The following RNGTT variants were observed in gnomAD, a reference collection of about 807,000 sequenced individuals.
RNGTT encodes RNA guanylyltransferase and 5'-phosphatase, also known as mRNA-capping enzyme.
RNGTT carries 33 observed loss-of-function variants against 79.3 expected under a neutral mutation model. The ratio of observed to expected loss-of-function variants is 0.42; its 90% CI spans 0.32 to 0.56. The LOEUF (loss-of-function observed/expected upper bound fraction) is 0.56, where lower values mean the gene tolerates loss of function less well. Ranked by LOEUF, RNGTT falls within the 20% of genes least tolerant of loss-of-function variation. The pLI, the probability that RNGTT is intolerant of heterozygous loss-of-function variation, is 0.17. For synonymous variants in RNGTT, 222 were observed against 235.9 expected, an observed-to-expected ratio of 0.94 and a Z score of 0.54; for missense variants, 497 against 739.1, an observed-to-expected ratio of 0.67 and a Z score of 3.80.
At chr6:88,889,622 T>G (rs1433578585) in intron 8 of RNGTT, among the ~76,000 whole-genome samples, 1 of 152,202 alleles carries the variant, frequency 6.6e-6, no homozygotes, top group Middle Eastern at 3.2e-3. Flanking sequence ...TATGTTAATA[T>G]CTGTTAAAAT....
At chr6:88,804,971 A>G (rs187343066) in intron 11 of RNGTT, among the ~76,000 whole-genome samples, 1 of 152,372 alleles carries the variant, frequency 6.6e-6, no homozygotes, top group Non-Finnish European at 1.5e-5. Context: ...TCATAATCTT[A>G]GAAGTGCTTT....
chr6:88,934,521 TG>T (rs1215513077), intron 2 of RNGTT, among the ~76,000 whole-genome samples: 1 of 152,244 alleles, frequency 6.6e-6, no homozygotes, highest in Non-Finnish European at 1.5e-5. Flanking sequence ...ATTTTTTTCC[TG>T]TTGTTTCCAG....
Position 88,817,178 on chromosome 6 carries a change from C to T in RNGTT, c.1270-15546G>A, listed in dbSNP as rs903043634. On this transcript the variant is annotated intron_variant, in intron 11 of 15. Coordinates refer to ENST00000369485, the MANE Select transcript of RNGTT (RefSeq NM_003800.5). The stretch of plus-strand genomic sequence containing the variant: ...AATATATACATGCCTTTCATTTAAA[C>T]CCCTTTCTTCTCAGACAGCAAAAAG... Among the ~76,000 whole-genome samples the T allele has an allele frequency of 3.3e-5, 5 of 152,100 alleles. No individual in the cohort carries two copies. The South Asian group carries it at 6.2e-4, about 19-fold the overall frequency.
intron 13 of RNGTT, among the ~76,000 whole-genome samples, chr6:88,680,419 T>C (rs1423770226): frequency 6.6e-6 from 1 of 152,066 alleles, no homozygotes; most frequent in African/African-American, 2.4e-5. Context: ...TTTAGTCTCC[T>C]GGGAATATCC....
rs575216190 is a variant in RNGTT, at chr6:88,658,282, C to A, written c.1506+20071G>T. On this transcript the variant is annotated intron_variant, in intron 14 of 15. Transcript: ENST00000369485. The stretch of plus-strand genomic sequence containing the variant: ...TATGACAACGTCACCACTAGCATAA[C>A]CACATTCAAGAAAACCAGCACACTA... Among the ~76,000 whole-genome samples the A allele has an allele frequency of 2.5e-4, 38 of 152,324 alleles. No homozygotes were observed. The South Asian group carries it at 7.5e-3, about 30-fold the overall frequency.
rs775208300 is a variant in RNGTT, at chr6:88,848,381, G to A, written c.1104+1374C>T. Among the ~76,000 whole-genome samples the A allele has an allele frequency of 4.6e-5, 7 of 151,900 alleles. No individual in the cohort carries two copies. The East Asian group carries it at 1.2e-3, about 25-fold the overall frequency. On this transcript the variant is annotated intron_variant, in intron 10 of 15. Coordinates refer to ENST00000369485, the MANE Select transcript of RNGTT (RefSeq NM_003800.5). ...CAAGAATGAGAACAACTGTCCTAGC[G>A]AAATTTTCATGTGCGCACAAGAAAA...
At chr6:88,720,046 C>T (rs965473693) in intron 13 of RNGTT, among the ~76,000 whole-genome samples, 1 of 152,176 alleles carries the variant, frequency 6.6e-6, no homozygotes, top group African/African-American at 2.4e-5. Flanking sequence ...AGAACTAAAA[C>T]CTTGGTTGAG....
At chr6:88,716,966 AT>A (rs1412215151) in intron 13 of RNGTT, among the ~76,000 whole-genome samples, 2 of 152,188 alleles carry the variant, frequency 1.3e-5, no homozygotes, top group East Asian at 3.9e-4. Context: ...TTAAAGTATA[AT>A]TAAAAAAAAT....
intron 13 of RNGTT, among the ~76,000 whole-genome samples, chr6:88,696,490 G>A (rs755697755): frequency 1.3e-5 from 2 of 151,928 alleles, no homozygotes; most frequent in Non-Finnish European, 2.9e-5. Flanking sequence ...AGATGAGAGG[G>A]GAGAATGATT....
intron 14 of RNGTT, among the ~76,000 whole-genome samples, chr6:88,631,470 CA>C (rs1180214613): frequency 6.6e-6 from 1 of 152,220 alleles, no homozygotes; most frequent in Non-Finnish European, 1.5e-5. Flanking sequence ...ATCACCTTGA[CA>C]TCTCACAAAG....
At chr6:88,761,016 A>C (rs1265198835) in intron 13 of RNGTT, among the ~76,000 whole-genome samples, 1 of 94,356 alleles carries the variant, frequency 1.1e-5, no homozygotes, top group Non-Finnish European at 2.2e-5. Flanking sequence ...AAGCAAAAGA[A>C]ATACACACAC....
chr6:88,805,068 TC>T (rs1779911483), intron 11 of RNGTT, among the ~76,000 whole-genome samples: 1 of 152,206 alleles, frequency 6.6e-6, no homozygotes, highest in Non-Finnish European at 1.5e-5. Flanking sequence ...GAATGCTGCT[TC>T]TACACTGATG....
At chr6:88,723,540 T>C (rs933039229) in intron 13 of RNGTT, among the ~76,000 whole-genome samples, 8 of 152,084 alleles carry the variant, frequency 5.3e-5, no homozygotes, top group African/African-American at 1.9e-4. Context: ...CCTGATAAAT[T>C]CCTTTACCAC....
At chr6:88,756,972 A>G (rs941881879) in intron 13 of RNGTT, among the ~76,000 whole-genome samples, 3 of 152,192 alleles carry the variant, frequency 2.0e-5, no homozygotes, top group African/African-American at 7.2e-5. Context: ...TTTTATCACA[A>G]AAAAACAAAT....
chr6:88,862,093 T>C (rs946719383), intron 8 of RNGTT, among the ~76,000 whole-genome samples: 1 of 152,192 alleles, frequency 6.6e-6, no homozygotes, highest in Non-Finnish European at 1.5e-5. Flanking sequence ...AATATACATA[T>C]ATTTGTTCTT....
At chr6:88,620,627 C>T (rs193093693) in intron 14 of RNGTT, among the ~76,000 whole-genome samples, 4 of 151,996 alleles carry the variant, frequency 2.6e-5, no homozygotes, top group East Asian at 1.9e-4. Context: ...AGGTACAAAA[C>T]GTAAGAAATA....
chr6:88,869,455 G>C (rs1210542924), intron 8 of RNGTT, among the ~76,000 whole-genome samples: 1 of 152,156 alleles, frequency 6.6e-6, no homozygotes, highest in Non-Finnish European at 1.5e-5. Flanking sequence ...ACTGAATCAT[G>C]CTGGCAAAGA....
intron 13 of RNGTT, among the ~76,000 whole-genome samples, chr6:88,682,726 A>G (rs1325277287): frequency 3.3e-5 from 5 of 152,074 alleles, no homozygotes; most frequent in African/African-American, 1.2e-4. Flanking sequence ...TCCACTAGCT[A>G]CTCTTCCTGA....
intron 2 of RNGTT, 72 bp from the exon 3 acceptor site, chr6:88,929,339 G>A (rs1784415382): frequency 4.4e-6 from 4 of 904,688 alleles, no homozygotes; most frequent in South Asian, 2.9e-5. Flanking sequence ...TAGACTAAAT[G>A]GCAATACTAC....
Sources: gnomAD v4.1 joint callset for allele counts (sites outside exome capture counted in the v4.1 genomes callset) on GRCh38, gnomAD v4.1.1 for gene constraint, MANE v1.5 for transcripts, NCBI Gene and HGNC (gene_info 2026-07-23, HGNC 2026-07-21) for gene names.